The following PTPRD variants were observed in gnomAD, a reference collection of about 807,000 sequenced individuals.
PTPRD encodes the protein receptor-type tyrosine-protein phosphatase delta.
In PTPRD, 34 loss-of-function variants were observed where a neutral mutation model predicts 214.5. That is an observed-to-expected ratio of 0.16 (90% CI 0.12 to 0.21). The LOEUF (loss-of-function observed/expected upper bound fraction) is 0.21. Ranked by LOEUF, PTPRD falls within the 10% of genes least tolerant of loss-of-function variation. The probability of loss-of-function intolerance (pLI) is 1.00; values close to 1 mark genes in which losing one functional copy is unlikely to be tolerated. For missense variants in PTPRD, 2,545 were observed against 2,398.7 expected, an observed-to-expected ratio of 1.06 and a Z score of -1.27; for synonymous variants, 1,128 against 845.7, an observed-to-expected ratio of 1.33 and a Z score of -5.79.
intron 3 of PTPRD, among the ~76,000 whole-genome samples, chr9:10,245,654 G>A (rs1564759861): frequency 6.6e-6 from 1 of 152,182 alleles, no homozygotes; most frequent in African/African-American, 2.4e-5. Flanking sequence ...AAATTAATGA[G>A]TGAATAATGA....
At chr9:9,730,897 A>T (rs369506931) in intron 7 of PTPRD, among the ~76,000 whole-genome samples, 1 of 151,986 alleles carries the variant, frequency 6.6e-6, no homozygotes. Flanking sequence ...TTGAAAATTC[A>T]AATTCTCTTT....
chr9:10,332,275 G>A (rs2096765247), intron 3 of PTPRD, among the ~76,000 whole-genome samples: 1 of 151,794 alleles, frequency 6.6e-6, no homozygotes, highest in Admixed American at 6.6e-5. Flanking sequence ...GTCTTAAAAT[G>A]TTTCACCAGC....
chr9:8,514,322 G>A (rs971450503), intron 21 of PTPRD, among the ~76,000 whole-genome samples: 2 of 152,072 alleles, frequency 1.3e-5, no homozygotes, highest in African/African-American at 2.4e-5. Context: ...TTAGGTTTAG[G>A]AAAAATTTTG....
intron 11 of PTPRD, among the ~76,000 whole-genome samples, chr9:8,741,566 C>CTTTTTTTTTTTTTTTTTTTTTTT (rs66547770): frequency 4.2e-5 from 3 of 70,634 alleles, no homozygotes; most frequent in African/African-American, 6.1e-5. Context: ...TCAGGCATTT[C>CTTTTTTTTTTTTTTTTTTTTTTT]TTTTTTTTTT....
At chr9:9,012,798 A>G (rs948502944) in intron 11 of PTPRD, among the ~76,000 whole-genome samples, 2 of 152,190 alleles carry the variant, frequency 1.3e-5, no homozygotes, top group African/African-American at 4.8e-5. Context: ...TCTTGCCACT[A>G]TATCCTGTAA....
chr9:9,239,272 G>C (rs1241948151), intron 9 of PTPRD, among the ~76,000 whole-genome samples: 1 of 151,536 alleles, frequency 6.6e-6, no homozygotes, highest in African/African-American at 2.4e-5. Context: ...TGGTTCATGT[G>C]ATATGAGATA....
chr9:8,674,328 C>A (rs1360194145), intron 12 of PTPRD, among the ~76,000 whole-genome samples: 1 of 151,848 alleles, frequency 6.6e-6, no homozygotes, highest in East Asian at 2.0e-4. Context: ...CGTGGTGGCA[C>A]ACGCCTGTAG....
intron 44 of PTPRD, among the ~76,000 whole-genome samples, chr9:8,324,073 C>G (rs1008593518): frequency 1.3e-5 from 2 of 151,720 alleles, no homozygotes; most frequent in Non-Finnish European, 2.9e-5. Context: ...AAGATTAAAA[C>G]TTACCGGAGG....
chr9:10,199,344 T>A (rs541888623), intron 3 of PTPRD, among the ~76,000 whole-genome samples: 2 of 152,226 alleles, frequency 1.3e-5, no homozygotes, highest in South Asian at 4.1e-4. Flanking sequence ...ACAAATGACC[T>A]ACGTATAATG....
At position 10,509,557 on chromosome 9, in the gene PTPRD, TTA is replaced by T. The variant is rs3076461; in HGVS notation, c.-600+102839_-600+102840del. Among the ~76,000 whole-genome samples, 82 of 106,688 alleles carry T rather than the reference TTA, an allele frequency of 7.7e-4. 4 individuals carry two copies. The South Asian group carries it at 0.019, about 25-fold the overall frequency. 70.0% of individuals were successfully genotyped at this position (106,688 alleles called of 152,430 possible). ...TAAATATATTTACATTTAATAAATA[TTA>T]TATATATATATATATATATATTTTA... On this transcript the variant is annotated intron_variant, in intron 2 of 45. Transcript: ENST00000381196.
intron 7 of PTPRD, among the ~76,000 whole-genome samples, chr9:9,676,524 C>G (rs10977921): frequency 0.032 from 4,836 of 152,040 alleles, 96 homozygotes; most frequent in Non-Finnish European, 0.044. Flanking sequence ...TCCAGTCTAC[C>G]ATTGATGGAC....
At chr9:9,500,081 T>A (rs569452005) in intron 8 of PTPRD, among the ~76,000 whole-genome samples, 1 of 152,266 alleles carries the variant, frequency 6.6e-6, no homozygotes, top group African/African-American at 2.4e-5. Context: ...TGTAAAAAAC[T>A]GCCAAAAACT....
In PTPRD at chr9:9,384,343, C is replaced by CTTTTTTTT. The variant is rs869246078; in HGVS notation, c.-203+13098_-203+13105dup. Among the ~76,000 whole-genome samples the CTTTTTTTT allele has an allele frequency of 1.7e-3, 56 of 33,312 alleles. 18 individuals are homozygous for CTTTTTTTT. The highest frequency in any genetic ancestry group is 3.3e-3 in the Non-Finnish European group (47 of 14,296). 21.9% of individuals were successfully genotyped at this position (33,312 alleles called of 152,430 possible). Reference sequence around the variant, plus strand: ...GATGATATTTGAGCAGAAGACTAGGCTTTTTTTTTTTTTTTTTTTTTTTTT... The same window carrying CTTTTTTTT: ...GATGATATTTGAGCAGAAGACTAGGCTTTTTTTTTTTTTTTTTTTTTTTTTTTTTTTTT... On this transcript the variant is annotated intron_variant, in intron 9 of 45. Coordinates refer to ENST00000381196, the MANE Select transcript of PTPRD (RefSeq NM_002839.4).
chr9:9,292,933 A>T, intron 9 of PTPRD, among the ~76,000 whole-genome samples: 1 of 151,526 alleles, frequency 6.6e-6, no homozygotes. Context: ...TTCTAATCCT[A>T]TACTATCAAC....
chr9:10,161,492 C>T (rs774514963), intron 3 of PTPRD, among the ~76,000 whole-genome samples: 9 of 151,688 alleles, frequency 5.9e-5, no homozygotes, highest in Non-Finnish European at 1.2e-4. Flanking sequence ...ACTGGATAAA[C>T]ATAGGTACAG....
chr9:10,395,306 G>A lies in PTPRD; in HGVS notation c.-599-54289C>T, dbSNP rs370656371. Reference sequence around the variant, plus strand: ...GTGAGGCTTCCCTTCCTGTGTCCAAGTGTTCTCATTGTTCATTTCTCACCT... The same window carrying A: ...GTGAGGCTTCCCTTCCTGTGTCCAAATGTTCTCATTGTTCATTTCTCACCT... On this transcript the variant is annotated intron_variant, in intron 2 of 45. Coordinates refer to ENST00000381196, the MANE Select transcript of PTPRD (RefSeq NM_002839.4). Among the ~76,000 whole-genome samples the A allele has an allele frequency of 4.7e-5, 7 of 148,160 alleles. No homozygotes were observed. In the East Asian group the frequency reaches 1.3e-3, roughly 27 times the overall value.
At chr9:10,177,077 T>C (rs1365482350) in intron 3 of PTPRD, among the ~76,000 whole-genome samples, 3 of 151,884 alleles carry the variant, frequency 2.0e-5, no homozygotes, top group Non-Finnish European at 4.4e-5. Flanking sequence ...TTCACAAATC[T>C]TATACATTAA....
At chr9:8,983,098 T>C (rs2099321847) in intron 11 of PTPRD, among the ~76,000 whole-genome samples, 1 of 152,118 alleles carries the variant, frequency 6.6e-6, no homozygotes. Flanking sequence ...AAATCATTTT[T>C]TCTTTAGTCT....
chr9:9,569,600 G>C (rs1376859181), intron 8 of PTPRD, among the ~76,000 whole-genome samples: 1 of 151,348 alleles, frequency 6.6e-6, no homozygotes, highest in Non-Finnish European at 1.5e-5. Flanking sequence ...ATCGACAAAA[G>C]TCTAATCTCG....
Sources: allele counts gnomAD v4.1 joint callset (sites outside exome capture counted in the v4.1 genomes callset), GRCh38; gene constraint gnomAD v4.1.1; transcripts MANE v1.5; gene names NCBI Gene and HGNC (gene_info 2026-07-23, HGNC 2026-07-21).